Variants in KLHL1 observed in about 807,000 individuals in gnomAD.
KLHL1 encodes kelch-like protein 1.
In KLHL1, 47 loss-of-function variants were observed where a neutral mutation model predicts 77.7. The observed-to-expected ratio is 0.60, with a 90% confidence interval of 0.48 to 0.77. The LOEUF is 0.77. Ranked by LOEUF, KLHL1 falls within the 30% of genes least tolerant of loss-of-function variation. KLHL1 has a pLI of 0.00. For synonymous variants in KLHL1, 360 were observed against 325.2 expected, an observed-to-expected ratio of 1.11 and a Z score of -1.15; for missense variants, 925 against 910.8, an observed-to-expected ratio of 1.02 and a Z score of -0.20.
chr13:70,074,197 C>T (rs1233210687), intron 1 of KLHL1, among the ~76,000 whole-genome samples: 1 of 152,030 alleles, frequency 6.6e-6, no homozygotes, highest in Non-Finnish European at 1.5e-5. Context: ...AGAGATTTGG[C>T]CATAGTGGGC....
chr13:70,048,591 A>C (rs1281596528), intron 1 of KLHL1, among the ~76,000 whole-genome samples: 1 of 152,146 alleles, frequency 6.6e-6, no homozygotes, highest in Non-Finnish European at 1.5e-5. Context: ...AGGGTAGAGA[A>C]GCGGGGGCGG....
chr13:70,062,702 A>T (rs1229939826), intron 1 of KLHL1, among the ~76,000 whole-genome samples: 1 of 152,102 alleles, frequency 6.6e-6, no homozygotes, highest in African/African-American at 2.4e-5. Flanking sequence ...TCAGACTTTT[A>T]TCTGCTTACT....
chr13:69,811,903 T>A (rs1877898473), intron 6 of KLHL1, among the ~76,000 whole-genome samples: 1 of 152,186 alleles, frequency 6.6e-6, no homozygotes, highest in Non-Finnish European at 1.5e-5. Context: ...TCTATCTCCT[T>A]CAGTTCTGCT....
At chr13:70,020,175 T>C (rs1885753510) in intron 1 of KLHL1, among the ~76,000 whole-genome samples, 1 of 152,056 alleles carries the variant, frequency 6.6e-6, no homozygotes, top group African/African-American at 2.4e-5. Flanking sequence ...CTAGGATAAA[T>C]GGACAAAAAG....
chr13:69,983,135 T>C (rs750849792), intron 1 of KLHL1, among the ~76,000 whole-genome samples: 1 of 152,088 alleles, frequency 6.6e-6, no homozygotes, highest in Non-Finnish European at 1.5e-5. Context: ...AATATAAAGA[T>C]AGTACAGAGG....
intron 5 of KLHL1, among the ~76,000 whole-genome samples, chr13:69,866,269 C>T (rs1880362045): frequency 6.6e-6 from 1 of 152,106 alleles, no homozygotes; most frequent in African/African-American, 2.4e-5. Context: ...ATTTCCAGGT[C>T]TTTTCAGGTC....
chr13:69,953,624 T>C (rs565975920), intron 3 of KLHL1, among the ~76,000 whole-genome samples: 1 of 150,768 alleles, frequency 6.6e-6, no homozygotes, highest in East Asian at 1.9e-4. Flanking sequence ...GATAAAATCA[T>C]GAATATACAA....
At chr13:69,858,310 T>C (rs1880002790) in intron 5 of KLHL1, among the ~76,000 whole-genome samples, 1 of 152,098 alleles carries the variant, frequency 6.6e-6, no homozygotes, top group African/African-American at 2.4e-5. Context: ...AGAGGAGAGA[T>C]AGACCTAATA....
chr13:69,967,842 A>G (rs572973234), intron 2 of KLHL1, among the ~76,000 whole-genome samples: 16 of 151,662 alleles, frequency 1.1e-4, no homozygotes, highest in African/African-American at 3.9e-4. Context: ...CCAAGATCGC[A>G]CCACTGTGCC....
intron 1 of KLHL1, among the ~76,000 whole-genome samples, chr13:70,024,794 C>T (rs909629408): frequency 6.6e-6 from 1 of 151,836 alleles, no homozygotes; most frequent in Non-Finnish European, 1.5e-5. Context: ...GGAAGGGGTA[C>T]TCAAGAAAGT....
chr13:69,836,794 G>T (rs915760202), intron 6 of KLHL1, among the ~76,000 whole-genome samples: 1 of 151,200 alleles, frequency 6.6e-6, no homozygotes, highest in African/African-American at 2.4e-5. Context: ...TTAAAATAAA[G>T]AAAATGACAG....
intron 3 of KLHL1, among the ~76,000 whole-genome samples, chr13:69,944,198 G>A (rs900954109): frequency 6.6e-6 from 1 of 152,144 alleles, no homozygotes; most frequent in African/African-American, 2.4e-5. Context: ...CTGGGAGTCT[G>A]AAATTTTGTT....
At chr13:70,089,529 C>T (rs1887624795) in intron 1 of KLHL1, among the ~76,000 whole-genome samples, 1 of 152,022 alleles carries the variant, frequency 6.6e-6, no homozygotes, top group Non-Finnish European at 1.5e-5. Context: ...TTGCGTGATA[C>T]AACACTGAGG....
intron 4 of KLHL1, among the ~76,000 whole-genome samples, chr13:69,910,636 C>A (rs944208941): frequency 6.6e-6 from 1 of 151,978 alleles, no homozygotes; most frequent in Non-Finnish European, 1.5e-5. Flanking sequence ...CATTAAGGAC[C>A]ATTATAAATG....
At chr13:69,782,236 G>A (rs751303884) in intron 7 of KLHL1, among the ~76,000 whole-genome samples, 6 of 152,216 alleles carry the variant, frequency 3.9e-5, no homozygotes, top group African/African-American at 7.2e-5. Context: ...CAGCGTGAGC[G>A]ACGCAGAAGA....
intron 5 of KLHL1, among the ~76,000 whole-genome samples, chr13:69,868,890 A>C (rs1263757450): frequency 6.6e-6 from 1 of 152,258 alleles, no homozygotes; most frequent in Admixed American, 6.5e-5. Context: ...AAAAAGTAGT[A>C]TAGTACAAGT....
chr13:69,893,335 C>T lies in KLHL1; in HGVS notation c.1015-10840G>A, dbSNP rs369717175. ...CTGCAAGCTCCGCTTCCCGGGTTCA[C>T]GCCATTCTCCTGCCTCAGCCTCCCG... On this transcript the variant is annotated intron_variant, in intron 4 of 10. Transcript: ENST00000377844. Among the ~76,000 whole-genome samples, 259 of 150,900 alleles carry T rather than the reference C, an allele frequency of 1.7e-3. 1 individual carries two copies. The highest frequency in any genetic ancestry group is 5.8e-3 in the African/African-American group (240 of 41,178).
rs2137421426 is a variant in KLHL1 at position 70,073,969 on chromosome 13, G to A, written c.497+33234C>T. Among the ~76,000 whole-genome samples the A allele has an allele frequency of 2.0e-5, 3 of 152,038 alleles. No homozygotes were observed. In the South Asian group the frequency reaches 6.2e-4, roughly 32 times the overall value. ...GCCTCCAGAGTAACTGGGATTATGGGCATGAGAAACCACACCCGGCTAATT... is the reference window on the plus strand; with the variant it reads ...GCCTCCAGAGTAACTGGGATTATGGACATGAGAAACCACACCCGGCTAATT... On this transcript the variant is annotated intron_variant, in intron 1 of 10. Transcript: ENST00000377844.
chr13:70,068,297 C>T lies in KLHL1; in HGVS notation c.497+38906G>A, dbSNP rs568821951. Among the ~76,000 whole-genome samples the T allele has an allele frequency of 4.6e-5, 7 of 151,792 alleles. No homozygotes were observed. The East Asian group carries it at 7.8e-4, about 17-fold the overall frequency. ...CGGAGCTTGCAGTGAGCCGAGATCGCGCCACTGCACTCCAGCCTGGGCGAC... is the reference window on the plus strand; with the variant it reads ...CGGAGCTTGCAGTGAGCCGAGATCGTGCCACTGCACTCCAGCCTGGGCGAC... On this transcript the variant is annotated intron_variant, in intron 1 of 10. Transcript: ENST00000377844.
Sources: gnomAD v4.1 joint callset for allele counts (sites outside exome capture counted in the v4.1 genomes callset) on GRCh38, gnomAD v4.1.1 for gene constraint, MANE v1.5 for transcripts, NCBI Gene and HGNC (gene_info 2026-07-23, HGNC 2026-07-21) for gene names.